NPTX2: variants seen among roughly 807,000 people sequenced by gnomAD.
The protein encoded by NPTX2 is neuronal pentraxin 2.
Under a neutral mutation model 38.1 loss-of-function variants are expected in NPTX2, and 23 were observed. The observed-to-expected ratio is 0.60, with a 90% CI of 0.43 to 0.85. The LOEUF is 0.85. NPTX2 is among the 40% of genes least tolerant of loss of function. NPTX2 has a pLI of 0.00. For synonymous variants in NPTX2, 291 were observed against 287.3 expected (o/e 1.01, Z -0.13); for missense variants, 553 against 615.3 (o/e 0.90, Z 1.07).
intron 2 of NPTX2, among the ~76,000 whole-genome samples, chr7:98,622,914 G>A (rs967795778): frequency 6.6e-6 from 1 of 152,226 alleles, no homozygotes; most frequent in African/African-American, 2.4e-5. Flanking sequence ...GGTTAGAAAG[G>A]GGATAGGGGG....
chr7:98,623,024 T>C (rs1272765837), intron 2 of NPTX2, among the ~76,000 whole-genome samples: 1 of 151,948 alleles, frequency 6.6e-6, no homozygotes, highest in African/African-American at 2.4e-5. Context: ...GACAATGAGT[T>C]TGGGGGATTG....
rs1562852487 is a variant in NPTX2 at position 98,629,707 on chromosome 7, A to G, written c.*1078A>G. 6.6e-6 allele frequency: 1 copy of G among 152,634 alleles called. No homozygotes were observed. Among genetic ancestry groups the G allele is most frequent in the Non-Finnish European group, 1.5e-5 (1 of 68,032 alleles). 9.5% of individuals were successfully genotyped at this position (152,634 alleles called of 1,614,324 possible). A position where few individuals can be genotyped will look rare whatever the true frequency, so the allele number is the denominator to read the frequency against. ...AAAGATAAAGTGACTAAGTGGGGAA[A>G]TTTATAAAGCTAAATATTATATATT... On this transcript the variant is annotated 3_prime_UTR_variant, in exon 5 of 5. Transcript: ENST00000265634.
chr7:98,617,813 C>T lies in NPTX2; in HGVS notation c.352C>T (p.Arg118Trp), dbSNP rs1232880839. The T allele has an allele frequency of 2.6e-6, 4 of 1,538,776 alleles. No homozygotes were observed. The Admixed American group carries it at 5.8e-5, about 22-fold the overall frequency. The change falls in exon 1 of 5, where the codon CGG (arginine) becomes TGG (tryptophan). Residue 118 changes from arginine (R) to tryptophan (W), a missense_variant. By Grantham distance (101) the Arg-to-Trp change is moderately radical (BLOSUM62 -3). Coordinates refer to ENST00000265634, the MANE Select transcript of NPTX2 (RefSeq NM_002523.3). ...TGKDTMGDLP[R>W]DPGHVVEQLS... ...CAAGGACACTATGGGCGACCTGCCG[C>T]GGGACCCCGGCCACGTCGTGGAGCA...
intron 2 of NPTX2, among the ~76,000 whole-genome samples, chr7:98,624,285 G>T (rs1307069412): frequency 6.6e-6 from 1 of 152,090 alleles, no homozygotes; most frequent in Non-Finnish European, 1.5e-5. Context: ...TAGAGACAGG[G>T]TCTTGCTATG....
chr7:98,618,386 A>AAGGG (rs1791211114), intron 1 of NPTX2, among the ~76,000 whole-genome samples: 2 of 152,024 alleles, frequency 1.3e-5, no homozygotes, highest in Non-Finnish European at 2.9e-5. Context: ...AGGGGGCGGA[A>AAGGG]GTCTGGGGGC....
At chr7:98,627,072 G>A (rs1339708111) in intron 3 of NPTX2, 93 bp from the exon 4 acceptor site, 2 of 787,336 alleles carry the variant, frequency 2.5e-6, no homozygotes, top group Non-Finnish European at 4.2e-6. Flanking sequence ...GTGTGGCCCA[G>A]GGGGACTGTG....
chr7:98,617,671 C>T lies in NPTX2; in HGVS notation c.210C>T (p.Val70=), dbSNP rs1263412934. ...RAAVLQLRET[V]VQQKETLGAQ... ...CGGTGCTGCAGCTGCGCGAGACCGT[C>T]GTGCAGCAGAAGGAGACGCTGGGCG... Residue 70 remains valine, a synonymous_variant, in exon 1 of 5, where the codon GTC becomes GTT. Transcript: ENST00000265634. 14 of 1,475,986 alleles carry T rather than the reference C, an allele frequency of 9.5e-6. No individual in the cohort carries two copies. Among genetic ancestry groups the T allele is most frequent in the East Asian group, 5.8e-5 (2 of 34,660 alleles). 91.4% of individuals were successfully genotyped at this position (1,475,986 alleles called of 1,614,324 possible).
Position 98,617,907 on chromosome 7 carries a change from G to T in NPTX2, c.426+20G>T. On this transcript the variant is annotated intron_variant, in intron 1 of 4. Transcript: ENST00000265634. Reference sequence around the variant, plus strand: ...CTCGAGGTAGCGGCCCGCGGGGAGCGCGGGGGACCTGGAATGGGGACGCTC... The same window carrying T: ...CTCGAGGTAGCGGCCCGCGGGGAGCTCGGGGGACCTGGAATGGGGACGCTC... The T allele has an allele frequency of 1.3e-6, 2 of 1,541,284 alleles. No homozygotes were observed. The highest frequency in any genetic ancestry group is 1.7e-6 in the Non-Finnish European group (2 of 1,151,344).
intron 4 of NPTX2, among the ~76,000 whole-genome samples, chr7:98,627,723 C>T (rs1791377017): frequency 6.6e-6 from 1 of 152,142 alleles, no homozygotes; most frequent in Admixed American, 6.5e-5. Flanking sequence ...CTCCAGCTTC[C>T]ATCTGGGAGG....
Position 98,625,185 on chromosome 7 carries a change from G to A in NPTX2, c.888+19G>A, listed in dbSNP as rs940006101. The A allele has an allele frequency of 1.9e-6, 3 of 1,567,678 alleles. No individual in the cohort carries two copies. The highest frequency in any genetic ancestry group is 1.2e-5 in the South Asian group (1 of 85,552). ...CGACAAGGTGAGGCCCGCCTGCACC[G>A]CCACCCTCCCCAGAACCCATCATGT... On this transcript the variant is annotated intron_variant, in intron 3 of 4. Coordinates refer to ENST00000265634, the MANE Select transcript of NPTX2 (RefSeq NM_002523.3).
chr7:98,626,146 C>CA (rs561364197), intron 3 of NPTX2, among the ~76,000 whole-genome samples: 2,846 of 69,062 alleles, frequency 0.041, 40 homozygotes, highest in Middle Eastern at 0.064. Context: ...TACCCTGTCT[C>CA]AAAAAAAAAA....
At chr7:98,620,518 A>G (rs1340197036) in intron 2 of NPTX2, among the ~76,000 whole-genome samples, 1 of 152,210 alleles carries the variant, frequency 6.6e-6, no homozygotes, top group African/African-American at 2.4e-5. Context: ...CTCTTCCTAC[A>G]GAAAAACCTA....
At chr7:98,621,036 G>A (rs565428959) in intron 2 of NPTX2, among the ~76,000 whole-genome samples, 2 of 152,220 alleles carry the variant, frequency 1.3e-5, no homozygotes, top group East Asian at 3.9e-4. Context: ...GTATCTTTTG[G>A]GGAGGGGGCC....
rs552315451 is a variant in NPTX2 at position 98,617,292 on chromosome 7, C to A, written c.-170C>A. 18 of 275,914 alleles carry A rather than the reference C, an allele frequency of 6.5e-5. No homozygotes were observed. Among genetic ancestry groups the A allele is most frequent in the Non-Finnish European group, 9.4e-5 (14 of 148,952 alleles). The allele number at this position is 275,914 out of a possible 1,614,324, so 17.1% of individuals were successfully genotyped here. The stretch of plus-strand genomic sequence containing the variant: ...GCGCGGACCCGGCAGGCCAGAGTGC[C>A]GAGCAGCGCGGTGGGTGCGGCTGTG... On this transcript the variant is annotated 5_prime_UTR_variant, in exon 1 of 5. Transcript: ENST00000265634.
rs1046609602 is a variant in NPTX2 at position 98,628,663 on chromosome 7, G to A, written c.*34G>A. On this transcript the variant is annotated 3_prime_UTR_variant, in exon 5 of 5. Coordinates refer to ENST00000265634, the MANE Select transcript of NPTX2 (RefSeq NM_002523.3). ...TCCTCTGTCCAGGAGGCCGGGATCAGGCTGTTGCCATGGAAGTTCAGGGCC... is the reference window on the plus strand; with the variant it reads ...TCCTCTGTCCAGGAGGCCGGGATCAAGCTGTTGCCATGGAAGTTCAGGGCC... The A allele has an allele frequency of 9.3e-7, 1 of 1,073,312 alleles. No homozygotes were observed. The highest frequency in any genetic ancestry group is 1.6e-5 in the African/African-American group (1 of 63,254). 66.5% of individuals were successfully genotyped at this position (1,073,312 alleles called of 1,614,324 possible).
Position 98,625,099 on chromosome 7 carries a change from G to T in NPTX2, c.821G>T (p.Gly274Val). 6.2e-7 allele frequency: 1 copy of T among 1,612,250 alleles called. No homozygotes were observed. The highest frequency in any genetic ancestry group is 8.5e-7 in the Non-Finnish European group (1 of 1,179,476). ...IGTPFSYAVP[G>V]QANEIVLIEW... ...ACCCCCTTCTCCTATGCGGTGCCAGGGCAGGCCAACGAGATCGTGCTGATC... is the reference window on the plus strand; with the variant it reads ...ACCCCCTTCTCCTATGCGGTGCCAGTGCAGGCCAACGAGATCGTGCTGATC... Residue 274 changes from glycine (G) to valine (V), a missense_variant, in exon 3 of 5, where the codon GGG becomes GTG. Transcript: ENST00000265634.
Position 98,617,549 on chromosome 7 carries a change from AC to A in NPTX2, c.89del (p.Thr30ArgfsTer30). 1 of 1,452,526 alleles carries A rather than the reference AC, an allele frequency of 6.9e-7. No homozygotes were observed. Among genetic ancestry groups the A allele is most frequent in the Non-Finnish European group, 9.0e-7 (1 of 1,107,496 alleles). The allele number at this position is 1,452,526 out of a possible 1,614,324, so 90.0% of individuals were successfully genotyped here. ...SPAPGSRFVC[T>X]ALPPEAVHAG... is the part of the protein sequence containing the mutation. ...GGCGCCCGGTAGCCGCTTCGTGTGC[AC>A]GGCACTGCCCCCAGAGGCGGTGCAC... On this transcript the variant is annotated frameshift_variant, in exon 1 of 5. Transcript: ENST00000265634. LOFTEE classifies it high-confidence loss of function.
chr7:98,623,399 G>A (rs1791300626), intron 2 of NPTX2, among the ~76,000 whole-genome samples: 1 of 152,192 alleles, frequency 6.6e-6, no homozygotes, highest in Non-Finnish European at 1.5e-5. Context: ...CCATTCTAGA[G>A]TTTGTTTTCA....
In NPTX2 at chr7:98,624,990, G is replaced by A. The variant is rs534108400; in HGVS notation, c.712G>A (p.Gly238Ser). Residue 238 changes from glycine (G) to serine (S), a missense_variant, in exon 3 of 5, where the codon GGC (glycine) becomes AGC (serine). Gly to Ser is a moderately conservative substitution (Grantham distance 56). Transcript: ENST00000265634. ...CCCACTCCGCACAAACTACCTATAC[G>A]GCAAGATCAAGAAGACGCTGCCTGA... ...SLPLRTNYLY[G>S]KIKKTLPELY... is the part of the protein sequence containing the mutation. 8 of 1,613,918 alleles carry A rather than the reference G, an allele frequency of 5.0e-6. No individual in the cohort carries two copies. In the African/African-American group the frequency reaches 6.7e-5, roughly 13 times the overall value.
Sources: gnomAD v4.1 joint callset for allele counts (sites outside exome capture counted in the v4.1 genomes callset) on GRCh38, gnomAD v4.1.1 for gene constraint, MANE v1.5 for transcripts, NCBI Gene and HGNC (gene_info 2026-07-23, HGNC 2026-07-21) for gene names.